Variants in CTTNBP2 observed in about 807,000 individuals in gnomAD.
The protein encoded by CTTNBP2 is cortactin binding protein 2, also known as cortactin-binding protein 2.
CTTNBP2 carries 108 observed loss-of-function variants against 156.9 expected under a neutral mutation model. The observed-to-expected ratio is 0.69, with a 90% CI of 0.59 to 0.81. The LOEUF is 0.81. CTTNBP2 is among the 30% of genes least tolerant of loss of function. The probability of loss-of-function intolerance (pLI) is 0.00; values close to 1 mark genes in which losing one functional copy is unlikely to be tolerated. For missense variants in CTTNBP2, 1,924 were observed against 2,035.4 expected (o/e 0.95, Z 1.05); for synonymous variants, 767 against 751.8 (o/e 1.02, Z -0.33).
intron 2 of CTTNBP2, among the ~76,000 whole-genome samples, chr7:117,815,614 G>A (rs1003290254): frequency 1.3e-5 from 2 of 152,144 alleles, no homozygotes; most frequent in Non-Finnish European, 2.9e-5. Flanking sequence ...GCTGGGCAGC[G>A]CTGACTCCCA....
chr7:117,736,124 G>A (rs1259173550), intron 14 of CTTNBP2, among the ~76,000 whole-genome samples: 2 of 152,128 alleles, frequency 1.3e-5, no homozygotes, highest in East Asian at 3.8e-4. Context: ...GCCCTTAAAT[G>A]ACCTTTAAAT....
chr7:117,866,532 C>G (rs973414089), intron 1 of CTTNBP2, among the ~76,000 whole-genome samples: 1 of 152,118 alleles, frequency 6.6e-6, no homozygotes, highest in Non-Finnish European at 1.5e-5. Context: ...CAGGTTGTGC[C>G]TATTTTCCAT....
At chr7:117,715,851 T>A (rs1402839222) in intron 22 of CTTNBP2, 1 of 152,216 alleles carries the variant, frequency 6.6e-6, no homozygotes, top group Non-Finnish European at 1.5e-5. Context: ...AGGAAACTCT[T>A]ACCTCTAAAT....
At chr7:117,833,374 TCTTC>T (rs1801737805) in intron 2 of CTTNBP2, among the ~76,000 whole-genome samples, 1 of 152,210 alleles carries the variant, frequency 6.6e-6, no homozygotes, top group African/African-American at 2.4e-5. Context: ...AATAAAAACG[TCTTC>T]CTTCATGACA....
chr7:117,786,265 T>C, intron 4 of CTTNBP2: 1 of 276,488 alleles, frequency 3.6e-6, no homozygotes, highest in Non-Finnish European at 7.2e-6. Context: ...TAGGACTACA[T>C]GTAGTGACAT....
intron 14 of CTTNBP2, among the ~76,000 whole-genome samples, chr7:117,737,685 C>T (rs1269198969): frequency 2.6e-5 from 4 of 152,038 alleles, no homozygotes; most frequent in Non-Finnish European, 4.4e-5. Flanking sequence ...GTGATTTTCC[C>T]GCCTCAGCCT....
intron 20 of CTTNBP2, 86 bp from the exon 21 acceptor site, chr7:117,719,722 G>T: frequency 1.8e-6 from 2 of 1,133,886 alleles, no homozygotes; most frequent in South Asian, 1.7e-5. Context: ...TTTGGGATTT[G>T]GTGTGGGGTA....
intron 2 of CTTNBP2, among the ~76,000 whole-genome samples, chr7:117,818,454 T>A (rs535238912): frequency 6.6e-6 from 1 of 152,138 alleles, no homozygotes; most frequent in East Asian, 1.9e-4. Context: ...CAAGATGGAC[T>A]TTTTCAGGAA....
chr7:117,724,803 C>A, intron 18 of CTTNBP2, 71 bp from the exon 19 acceptor site: 1 of 1,524,070 alleles, frequency 6.6e-7, no homozygotes, highest in South Asian at 1.1e-5. Flanking sequence ...TTCCGTTTCT[C>A]AAAGATACGG....
chr7:117,800,094 T>A (rs898609875), intron 3 of CTTNBP2, among the ~76,000 whole-genome samples: 2 of 151,684 alleles, frequency 1.3e-5, no homozygotes, highest in African/African-American at 4.8e-5. Flanking sequence ...ATAGATTCAA[T>A]GAAATTTTGA....
intron 12 of CTTNBP2, among the ~76,000 whole-genome samples, chr7:117,749,932 C>T (rs1035520194): frequency 8.5e-5 from 13 of 152,088 alleles, no homozygotes; most frequent in Admixed American, 4.6e-4. Context: ...CTATTAGGTA[C>T]GCAATTTGCT....
At chr7:117,746,173 G>T in intron 12 of CTTNBP2, 74 bp from the exon 13 acceptor site, 1 of 993,158 alleles carries the variant, frequency 1.0e-6, no homozygotes, top group Non-Finnish European at 1.6e-6. Flanking sequence ...ACACAGGTGT[G>T]GAATTCTTTT....
At chr7:117,718,555 G>C (rs1402028997) in intron 21 of CTTNBP2, among the ~76,000 whole-genome samples, 1 of 152,154 alleles carries the variant, frequency 6.6e-6, no homozygotes, top group African/African-American at 2.4e-5. Flanking sequence ...AGGGGAAGCT[G>C]AACGTTACAG....
intron 8 of CTTNBP2, among the ~76,000 whole-genome samples, chr7:117,767,832 T>C (rs1184136080): frequency 1.3e-5 from 2 of 152,190 alleles, no homozygotes; most frequent in Non-Finnish European, 2.9e-5. Flanking sequence ...AACTACGAAC[T>C]GAAAAGTCTT....
intron 2 of CTTNBP2, among the ~76,000 whole-genome samples, chr7:117,822,590 T>A (rs1801031594): frequency 6.6e-6 from 1 of 152,216 alleles, no homozygotes; most frequent in Non-Finnish European, 1.5e-5. Context: ...TCAGTTCAAA[T>A]TACTGTCTAA....
chr7:117,828,605 G>A (rs747528500), intron 2 of CTTNBP2, among the ~76,000 whole-genome samples: 2 of 152,206 alleles, frequency 1.3e-5, no homozygotes, highest in African/African-American at 2.4e-5. Flanking sequence ...TAGTGCATAG[G>A]TTAATTGGTA....
intron 2 of CTTNBP2, among the ~76,000 whole-genome samples, chr7:117,815,446 A>T (rs987121116): frequency 2.6e-5 from 4 of 152,224 alleles, no homozygotes; most frequent in Admixed American, 6.5e-5. Flanking sequence ...CCAGAGAGAA[A>T]TAGAAAGTTA....
chr7:117,749,526 A>G (rs1796514139), intron 12 of CTTNBP2, among the ~76,000 whole-genome samples: 1 of 152,186 alleles, frequency 6.6e-6, no homozygotes, highest in African/African-American at 2.4e-5. Context: ...ACCACCTGGG[A>G]TGTAGCACAG....
intron 6 of CTTNBP2, among the ~76,000 whole-genome samples, chr7:117,781,595 G>T (rs566751738): frequency 2.0e-5 from 3 of 152,294 alleles, no homozygotes; most frequent in East Asian, 3.9e-4. Flanking sequence ...AAAATTATCT[G>T]GGTGTGGTGG....
Sources: gnomAD v4.1 joint callset for allele counts (sites outside exome capture counted in the v4.1 genomes callset) on GRCh38, gnomAD v4.1.1 for gene constraint, MANE v1.5 for transcripts, NCBI Gene and HGNC (gene_info 2026-07-23, HGNC 2026-07-21) for gene names.